COG2: variants seen among roughly 807,000 people sequenced by gnomAD.
COG2 encodes the protein conserved oligomeric Golgi complex subunit 2.
A neutral mutation model predicts 90.6 loss-of-function variants in COG2; 52 were observed. The observed-to-expected ratio is 0.57, with a 90% confidence interval of 0.46 to 0.72. COG2 has a LOEUF of 0.72. Ranked by LOEUF, COG2 falls within the 30% of genes least tolerant of loss-of-function variation. COG2 has a pLI of 0.00. For synonymous variants in COG2, 337 were observed against 320.4 expected (o/e 1.05, Z -0.55); for missense variants, 829 against 891.2 (o/e 0.93, Z 0.89).
intron 8 of COG2, among the ~76,000 whole-genome samples, chr1:230,673,227 G>A (rs1007956078): frequency 1.3e-5 from 2 of 152,180 alleles, no homozygotes; most frequent in Non-Finnish European, 2.9e-5. Flanking sequence ...AGTTTTTAGT[G>A]TGGGGGAATT....
intron 3 of COG2, among the ~76,000 whole-genome samples, chr1:230,662,177 C>G (rs544381709): frequency 1.4e-4 from 22 of 152,288 alleles, no homozygotes; most frequent in African/African-American, 4.8e-4. Flanking sequence ...ACCATATGCT[C>G]TCCCTCCTTC....
chr1:230,642,500 C>G lies in COG2; in HGVS notation c.-107C>G, dbSNP rs985994038. ...GCTGCCATGTTGGCGGAAGCGGACC[C>G]CCCTGTGCCGTGGAAACTGGCGGTG... On this transcript the variant is annotated 5_prime_UTR_variant, in exon 1 of 18. Transcript: ENST00000366669. 3.9e-5 allele frequency: 43 copies of G among 1,106,738 alleles called. No homozygotes were observed. The highest frequency in any genetic ancestry group is 5.3e-5 in the Non-Finnish European group (40 of 754,406). The allele number at this position is 1,106,738 out of a possible 1,614,324, so 68.6% of individuals were successfully genotyped here.
chr1:230,683,450 C>A, intron 10 of COG2, 124 bp from the exon 11 acceptor site: 1 of 623,634 alleles, frequency 1.6e-6, no homozygotes, highest in Non-Finnish European at 2.8e-6. Flanking sequence ...ATAGGCATTC[C>A]GAGGCTGGAC....
At chr1:230,669,657 A>G in intron 7 of COG2, 122 bp downstream of exon 7, 1 of 841,846 alleles carries the variant, frequency 1.2e-6, no homozygotes, top group East Asian at 2.7e-5. Context: ...CAGTTCCTAC[A>G]GTACCAGCTA....
intron 1 of COG2, among the ~76,000 whole-genome samples, chr1:230,650,747 T>C (rs1661897146): frequency 6.6e-6 from 1 of 152,182 alleles, no homozygotes; most frequent in Admixed American, 6.5e-5. Flanking sequence ...TGCTTTGAGG[T>C]CTTAGTCATA....
rs554025435 is a variant in COG2, at chr1:230,642,499, C to T, written c.-108C>T. 1.8e-4 allele frequency: 169 copies of T among 961,170 alleles called. No individual in the cohort carries two copies. The East Asian group carries it at 3.6e-3, about 20-fold the overall frequency. 59.5% of individuals were successfully genotyped at this position (961,170 alleles called of 1,614,324 possible). ...CGCTGCCATGTTGGCGGAAGCGGAC[C>T]CCCCTGTGCCGTGGAAACTGGCGGT... On this transcript the variant is annotated 5_prime_UTR_variant, in exon 1 of 18. Coordinates refer to ENST00000366669, the MANE Select transcript of COG2 (RefSeq NM_007357.3).
intron 5 of COG2, among the ~76,000 whole-genome samples, chr1:230,668,078 T>A (rs958869427): frequency 6.6e-6 from 1 of 152,158 alleles, no homozygotes; most frequent in Non-Finnish European, 1.5e-5. Flanking sequence ...TAAAATAAGA[T>A]ATTTTGAGAT....
At chr1:230,678,213 A>C in intron 9 of COG2, 1 of 985,414 alleles carries the variant, frequency 1.0e-6, no homozygotes, top group Non-Finnish European at 1.2e-6. Context: ...CAACTGACTG[A>C]CTAGCATTCT....
chr1:230,687,214 C>A, intron 13 of COG2, 82 bp downstream of exon 13: 1 of 1,247,660 alleles, frequency 8.0e-7, no homozygotes, highest in Non-Finnish European at 1.1e-6. Context: ...GCAAACACCA[C>A]TGGGCCTTAC....
At chr1:230,645,459 C>T (rs2102738759) in intron 1 of COG2, among the ~76,000 whole-genome samples, 1 of 152,166 alleles carries the variant, frequency 6.6e-6, no homozygotes, top group East Asian at 1.9e-4. Context: ...CAAGCGGTAG[C>T]TCCTTCATCT....
intron 17 of COG2, 22 bp from the exon 18 acceptor site, chr1:230,693,270 T>C: frequency 6.9e-7 from 1 of 1,456,114 alleles, no homozygotes; most frequent in Non-Finnish European, 9.6e-7. Context: ...AGTAACATAA[T>C]TCATTCTCAT....
At chr1:230,682,810 C>T (rs933583062) in intron 10 of COG2, 1 of 152,118 alleles carries the variant, frequency 6.6e-6, no homozygotes, top group African/African-American at 2.4e-5. Context: ...TATGAAATTG[C>T]AAGAGTTATA....
intron 8 of COG2, among the ~76,000 whole-genome samples, chr1:230,673,482 A>T (rs1028924615): frequency 6.6e-6 from 1 of 152,236 alleles, no homozygotes; most frequent in Non-Finnish European, 1.5e-5. Flanking sequence ...GAGAATACAG[A>T]TGAGCTTTTC....
intron 1 of COG2, among the ~76,000 whole-genome samples, chr1:230,646,334 T>C (rs951186556): frequency 2.0e-5 from 3 of 152,208 alleles, no homozygotes; most frequent in Non-Finnish European, 4.4e-5. Flanking sequence ...CTCTGCTTCC[T>C]TCCCTGACCT....
chr1:230,664,471 T>C lies in COG2; in HGVS notation c.382-13T>C. On this transcript the variant is annotated splice_polypyrimidine_tract_variant and intron_variant, in intron 4 of 17. Transcript: ENST00000366669. ...ACATGACAATAACTTTTTTCCTTAATTTTTATTTATAGATGTGTGTATTGA... is the reference window on the plus strand; with the variant it reads ...ACATGACAATAACTTTTTTCCTTAACTTTTATTTATAGATGTGTGTATTGA... 8.2e-7 allele frequency: 1 copy of C among 1,221,838 alleles called. No homozygotes were observed. Among genetic ancestry groups the C allele is most frequent in the South Asian group, 1.5e-5 (1 of 66,236 alleles). The allele number at this position is 1,221,838 out of a possible 1,614,324, so 75.7% of individuals were successfully genotyped here.
At position 230,683,603 on chromosome 1, in the gene COG2, C is replaced by T. The variant is rs377015831; in HGVS notation, c.1196C>T (p.Ala399Val). 96 of 1,612,288 alleles carry T rather than the reference C, an allele frequency of 6.0e-5. No individual in the cohort carries two copies. Among genetic ancestry groups the T allele is most frequent in the Non-Finnish European group, 7.0e-5 (83 of 1,178,644 alleles). Residue 399 changes from alanine (A) to valine (V), a missense_variant, in exon 11 of 18, where the codon GCA becomes GTA. Physicochemically the swap from Ala to Val is moderately conservative, Grantham distance 64 (BLOSUM62 0). Transcript: ENST00000366669. ...RFREIAGSLE[A>V]ALTDVLEDAP... ...AGAGAAATAGCGGGATCCTTAGAAG[C>T]AGCACTTACAGATGTCCTGGAAGAT...
chr1:230,652,043 A>G (rs1188004904), intron 1 of COG2, among the ~76,000 whole-genome samples: 1 of 152,184 alleles, frequency 6.6e-6, no homozygotes, highest in Non-Finnish European at 1.5e-5. Context: ...CATAGTTTTT[A>G]TTAGAGTTCA....
chr1:230,642,979 C>A, intron 1 of COG2: 1 of 357,102 alleles, frequency 2.8e-6, no homozygotes, highest in Non-Finnish European at 5.1e-6. Context: ...GCAGTGCAGT[C>A]AGATTGCCAG....
In COG2 at chr1:230,688,468, T is replaced by C. The variant is rs770425549; in HGVS notation, c.1700T>C (p.Leu567Ser). Residue 567 changes from leucine to serine, a missense_variant, in exon 15 of 18, where the codon TTG becomes TCG. By Grantham distance (145) the Leu-to-Ser change is moderately radical (BLOSUM62 -2). Transcript: ENST00000366669. Reference sequence around the variant, plus strand: ...TCTTTTTCAGCCTGTGTGCCCTCCTTGAGTAGCAAGATCATCCAGGATTTA... The same window carrying C: ...TCTTTTTCAGCCTGTGTGCCCTCCTCGAGTAGCAAGATCATCCAGGATTTA... ...QSSFSACVPS[L>S]SSKIIQDLSD... The C allele has an allele frequency of 8.7e-6, 14 of 1,614,004 alleles. No homozygotes were observed. In the East Asian group the frequency reaches 2.9e-4, roughly 33 times the overall value.
Sources: allele counts gnomAD v4.1 joint callset (sites outside exome capture counted in the v4.1 genomes callset), GRCh38; gene constraint gnomAD v4.1.1; transcripts MANE v1.5; gene names NCBI Gene and HGNC (gene_info 2026-07-23, HGNC 2026-07-21).